The following TBC1D23 variants were observed in gnomAD, a reference collection of about 807,000 sequenced individuals.
TBC1D23 encodes the protein HCV non-structural protein 4A-transactivated protein 1.
In TBC1D23, 55 loss-of-function variants were observed where a neutral mutation model predicts 91.4. That is an observed-to-expected ratio of 0.60 (90% CI 0.48 to 0.75). The LOEUF (loss-of-function observed/expected upper bound fraction) is 0.75, where lower values mean the gene tolerates loss of function less well. Among genes scored for constraint, TBC1D23 ranks in the 30% least tolerant of loss-of-function variants. The pLI, the probability that TBC1D23 is intolerant of heterozygous loss-of-function variation, is 0.00. For missense variants in TBC1D23, 725 were observed against 836.1 expected, an observed-to-expected ratio of 0.87 and a Z score of 1.64; for synonymous variants, 289 against 281.0, an observed-to-expected ratio of 1.03 and a Z score of -0.28.
At chr3:100,317,544 G>C (rs924984807) in intron 16 of TBC1D23, among the ~76,000 whole-genome samples, 1 of 152,132 alleles carries the variant, frequency 6.6e-6, no homozygotes, top group Admixed American at 6.5e-5. Flanking sequence ...AAATCTTACT[G>C]CTAAGTAAGA....
At chr3:100,308,950 G>C (rs752723783) in intron 13 of TBC1D23, among the ~76,000 whole-genome samples, 2 of 152,228 alleles carry the variant, frequency 1.3e-5, no homozygotes, top group Non-Finnish European at 2.9e-5. Flanking sequence ...GCCATGCATG[G>C]TGGCTCATGC....
chr3:100,281,855 G>A lies in TBC1D23; in HGVS notation c.271+8G>A, dbSNP rs1406292508. On this transcript the variant is annotated splice_region_variant and intron_variant, in intron 3 of 18. Coordinates refer to ENST00000394144, the MANE Select transcript of TBC1D23 (RefSeq NM_001199198.3). ...ATTGCCTGCAGTTTATTGGTAAGCT[G>A]AATAATCACTTTCAAGCAGAGTTAA... The A allele has an allele frequency of 1.3e-6, 2 of 1,561,192 alleles. No homozygotes were observed. The highest frequency in any genetic ancestry group is 1.8e-6 in the Non-Finnish European group (2 of 1,138,634).
At position 100,274,785 on chromosome 3, in the gene TBC1D23, T is replaced by G. The variant is rs1311039061; in HGVS notation, c.54-4864T>G. On this transcript the variant is annotated intron_variant, in intron 1 of 18. Coordinates refer to ENST00000394144, the MANE Select transcript of TBC1D23 (RefSeq NM_001199198.3). ...TATATTATATATAATATATATTCTATAATATGTAATTAACTTATTAATTAC... is the reference window on the plus strand; with the variant it reads ...TATATTATATATAATATATATTCTAGAATATGTAATTAACTTATTAATTAC... Among the ~76,000 whole-genome samples, 6 of 148,242 alleles carry G rather than the reference T, an allele frequency of 4.0e-5. No individual in the cohort carries two copies. In the Admixed American group the frequency reaches 4.1e-4, roughly 10 times the overall value.
At chr3:100,291,582 C>CAAAA (rs770935259) in intron 5 of TBC1D23, among the ~76,000 whole-genome samples, 1 of 72,914 alleles carries the variant, frequency 1.4e-5, no homozygotes, top group Admixed American at 1.5e-4. Flanking sequence ...GACTCTGTCT[C>CAAAA]AAAAAAAAAA....
At position 100,320,919 on chromosome 3, in the gene TBC1D23, T is replaced by C; in HGVS notation, c.1966T>C (p.Phe656Leu). 6.2e-7 allele frequency: 1 copy of C among 1,609,662 alleles called. No individual in the cohort carries two copies. The highest frequency in any genetic ancestry group is 8.5e-7 in the Non-Finnish European group (1 of 1,178,706). Residue 656 changes from phenylalanine (F) to leucine (L), a missense_variant, in exon 18 of 19, where the codon TTC (phenylalanine) becomes CTC (leucine). Coordinates refer to ENST00000394144, the MANE Select transcript of TBC1D23 (RefSeq NM_001199198.3). ...AAAAAAACATCCTGAACTCATTACC[T>C]TCAAGTATGGAAATAGCAGTGCTTC... ...SKKKHPELITFKYGNSSASGI... is the reference protein window; with the variant it reads ...SKKKHPELITLKYGNSSASGI...
chr3:100,262,258 G>A (rs1197084800), intron 1 of TBC1D23, among the ~76,000 whole-genome samples: 1 of 152,184 alleles, frequency 6.6e-6, no homozygotes, highest in East Asian at 1.9e-4. Flanking sequence ...GTGATTCAAA[G>A]TGTTACGAGA....
chr3:100,297,813 C>A, intron 8 of TBC1D23, 110 bp from the exon 9 acceptor site: 2 of 870,342 alleles, frequency 2.3e-6, no homozygotes, highest in South Asian at 2.3e-5. Flanking sequence ...TAAAAAATCA[C>A]AACTCAAGAG....
At chr3:100,323,051 T>G (rs1325256363) in intron 18 of TBC1D23, among the ~76,000 whole-genome samples, 3 of 152,220 alleles carry the variant, frequency 2.0e-5, no homozygotes. Flanking sequence ...TTTTAAATAT[T>G]TCAGACCTCA....
At chr3:100,320,163 T>C (rs1022298123) in intron 17 of TBC1D23, among the ~76,000 whole-genome samples, 1 of 152,122 alleles carries the variant, frequency 6.6e-6, no homozygotes. Flanking sequence ...ATGAATCCTT[T>C]GAGTCCAGGT....
rs373021646 is a variant in TBC1D23, at chr3:100,320,652, T to C, written c.1824-125T>C. On this transcript the variant is annotated intron_variant, in intron 17 of 18. Transcript: ENST00000394144. ...TTGTTTATAGATTAACCTCTGTTTA[T>C]ATCTTTTAACTCAATTTTATTTAGA... is the stretch of plus-strand genomic sequence containing the variant. The C allele has an allele frequency of 3.1e-3, 1,612 of 524,324 alleles. 2 individuals are homozygous for C. Among genetic ancestry groups the C allele is most frequent in the Non-Finnish European group, 3.9e-3 (1,257 of 320,054 alleles). 32.5% of individuals were successfully genotyped at this position (524,324 alleles called of 1,614,324 possible).
intron 4 of TBC1D23, among the ~76,000 whole-genome samples, chr3:100,289,234 A>T (rs1423177592): frequency 2.0e-5 from 3 of 152,056 alleles, no homozygotes; most frequent in African/African-American, 7.2e-5. Context: ...AAACAAAAAA[A>T]ACCCAAAAAA....
intron 5 of TBC1D23, among the ~76,000 whole-genome samples, chr3:100,290,949 C>T (rs1200126421): frequency 1.3e-5 from 2 of 151,738 alleles, no homozygotes; most frequent in Non-Finnish European, 2.9e-5. Flanking sequence ...TAACTATTTA[C>T]AACTAATTAC....
In TBC1D23 at chr3:100,297,531, A is replaced by C. The variant is rs555565933; in HGVS notation, c.877-392A>C. Among the ~76,000 whole-genome samples the C allele has an allele frequency of 1.2e-4, 19 of 152,266 alleles. No homozygotes were observed. In the South Asian group the frequency reaches 3.9e-3, roughly 32 times the overall value. On this transcript the variant is annotated intron_variant, in intron 8 of 18. Coordinates refer to ENST00000394144, the MANE Select transcript of TBC1D23 (RefSeq NM_001199198.3). ...TCAGACATAGTGAAACTGTACTAGC[A>C]GTTGTGAATTAGAGCAGGCTGTGGA...
chr3:100,263,150 G>A (rs1169130125), intron 1 of TBC1D23, among the ~76,000 whole-genome samples: 2 of 152,216 alleles, frequency 1.3e-5, no homozygotes, highest in African/African-American at 2.4e-5. Flanking sequence ...GATTTGGGTA[G>A]ATAAAGGAAA....
intron 16 of TBC1D23, 23 bp downstream of exon 16, chr3:100,316,210 A>G (rs773378307): frequency 7.7e-6 from 12 of 1,562,350 alleles, no homozygotes; most frequent in Admixed American, 5.0e-5. Context: ...ACTTAGCTAC[A>G]GACAGCTTTG....
intron 1 of TBC1D23, among the ~76,000 whole-genome samples, chr3:100,276,403 T>G (rs1045619501): frequency 1.3e-5 from 2 of 152,118 alleles, no homozygotes; most frequent in African/African-American, 4.8e-5. Flanking sequence ...TATGATTCAA[T>G]ATGGTTTATT....
At chr3:100,319,619 G>T (rs563352596) in intron 17 of TBC1D23, among the ~76,000 whole-genome samples, 147 of 152,012 alleles carry the variant, frequency 9.7e-4, no homozygotes, top group Admixed American at 2.1e-3. Flanking sequence ...GTAGAGACGG[G>T]GTTTCTCTAT....
intron 14 of TBC1D23, among the ~76,000 whole-genome samples, 176 bp downstream of exon 14, chr3:100,310,718 C>G (rs959241720): frequency 1.3e-5 from 2 of 152,046 alleles, no homozygotes; most frequent in African/African-American, 4.8e-5. Context: ...ACTTTATATC[C>G]ATAATTATTC....
chr3:100,300,127 A>G (rs911684353), intron 10 of TBC1D23, among the ~76,000 whole-genome samples: 1 of 152,186 alleles, frequency 6.6e-6, no homozygotes, highest in African/African-American at 2.4e-5. Context: ...AGGTCATTTA[A>G]TTTGAAGAAT....
Sources: allele counts gnomAD v4.1 joint callset (sites outside exome capture counted in the v4.1 genomes callset), GRCh38; gene constraint gnomAD v4.1.1; transcripts MANE v1.5; gene names NCBI Gene and HGNC (gene_info 2026-07-23, HGNC 2026-07-21).